DPP6: variants seen among roughly 807,000 people sequenced by gnomAD.
DPP6 encodes the protein A-type potassium channel modulatory protein DPP6.
DPP6 carries 69 observed loss-of-function variants against 122.6 expected under a neutral mutation model. That is an observed-to-expected ratio of 0.56 (90% CI 0.46 to 0.69). DPP6 has a LOEUF of 0.69. DPP6 is among the 30% of genes least tolerant of loss of function. The pLI is 0.00. For synonymous variants in DPP6, 418 were observed against 433.1 expected, an observed-to-expected ratio of 0.97 and a Z score of 0.43; for missense variants, 928 against 1,116.9, an observed-to-expected ratio of 0.83 and a Z score of 2.41.
chr7:154,120,934 C>T (rs1219709198), intron 1 of DPP6, among the ~76,000 whole-genome samples: 1 of 152,124 alleles, frequency 6.6e-6, no homozygotes, highest in Non-Finnish European at 1.5e-5. Flanking sequence ...TAATAATCCC[C>T]ACAGGTCAAG....
chr7:154,407,790 A>G (rs1468731728), intron 1 of DPP6, among the ~76,000 whole-genome samples: 3 of 152,166 alleles, frequency 2.0e-5, no homozygotes, highest in East Asian at 1.9e-4. Context: ...ACTTCCTAAT[A>G]TACCGTGTCC....
chr7:153,773,331 T>TA, the DPP6 span, among the ~76,000 whole-genome samples: 482 of 58,398 alleles, frequency 8.3e-3, 5 homozygotes, highest in South Asian at 0.027. Flanking sequence ...TATATATATA[T>TA]TTTTTTTTAA....
chr7:154,305,044 C>T (rs1806185005), intron 1 of DPP6: 1 of 78,582 alleles, frequency 1.3e-5, no homozygotes, highest in Non-Finnish European at 2.7e-5. Flanking sequence ...CAGCCCCAGC[C>T]CCAGCCCCAG....
intron 1 of DPP6, among the ~76,000 whole-genome samples, chr7:154,189,926 A>T (rs1339439545): frequency 6.6e-6 from 1 of 152,212 alleles, no homozygotes; most frequent in Non-Finnish European, 1.5e-5. Context: ...GGCCAGTAAC[A>T]CCACCCATGG....
chr7:154,090,983 T>C (rs1215366208), intron 1 of DPP6, among the ~76,000 whole-genome samples: 1 of 150,500 alleles, frequency 6.6e-6, no homozygotes, highest in Non-Finnish European at 1.5e-5. Context: ...TAGCCAGGCG[T>C]GGTGGCGGGT....
intron 1 of DPP6, among the ~76,000 whole-genome samples, chr7:154,225,345 C>A (rs936851838): frequency 6.6e-6 from 1 of 152,026 alleles, no homozygotes; most frequent in African/African-American, 2.4e-5. Context: ...CATTATACAG[C>A]CTATATATTT....
At chr7:154,657,863 A>G (rs944446482) in intron 6 of DPP6, among the ~76,000 whole-genome samples, 1 of 152,214 alleles carries the variant, frequency 6.6e-6, no homozygotes, top group East Asian at 1.9e-4. Context: ...CTGAGGCAGC[A>G]TAAAAGTCTC....
Position 154,297,862 on chromosome 7 carries a change from G to A in DPP6, c.244-148352G>A, listed in dbSNP as rs142446923. On this transcript the variant is annotated intron_variant, in intron 1 of 25. Transcript: ENST00000377770. Reference sequence around the variant, plus strand: ...AGGAGAGGGAGAGTAAATGAAGAGCGTGCACGCTGACAGATGCTGCGACGA... The same window carrying A: ...AGGAGAGGGAGAGTAAATGAAGAGCATGCACGCTGACAGATGCTGCGACGA... Among the ~76,000 whole-genome samples, 592 of 152,300 alleles carry A rather than the reference G, an allele frequency of 3.9e-3. 2 individuals carry two copies. In the Middle Eastern group the frequency reaches 0.041, roughly 11 times the overall value.
intron 2 of DPP6, among the ~76,000 whole-genome samples, chr7:154,471,828 A>G (rs999050731): frequency 4.6e-5 from 7 of 152,192 alleles, no homozygotes; most frequent in African/African-American, 1.4e-4. Context: ...TATGCTAAAG[A>G]AGCATGAAAC....
chr7:153,998,985 G>C (rs1442269875), intron 1 of DPP6, among the ~76,000 whole-genome samples: 2 of 152,238 alleles, frequency 1.3e-5, no homozygotes, highest in Non-Finnish European at 2.9e-5. Context: ...AAGAGCTTCT[G>C]TGAGACTCTC....
At chr7:153,970,504 C>T (rs1219338510) in intron 1 of DPP6, among the ~76,000 whole-genome samples, 4 of 152,122 alleles carry the variant, frequency 2.6e-5, no homozygotes, top group Non-Finnish European at 4.4e-5. Flanking sequence ...TTCACCAAGT[C>T]TAATTTATCA....
In DPP6 at chr7:154,765,742, C is replaced by A. The variant is rs186698395; in HGVS notation, c.884-3675C>A. On this transcript the variant is annotated intron_variant, in intron 8 of 25. Transcript: ENST00000377770. ...TTTCTTTTCTGATGCTAAAATAGCC[C>A]CCCAGCAGGACAGGGAAGGTGAAGA... Among the ~76,000 whole-genome samples, 25 of 152,258 alleles carry A rather than the reference C, an allele frequency of 1.6e-4. No individual in the cohort carries two copies. In the East Asian group the frequency reaches 4.6e-3, roughly 28 times the overall value.
chr7:154,888,295 G>T (rs1389374632), intron 23 of DPP6, among the ~76,000 whole-genome samples: 1 of 152,042 alleles, frequency 6.6e-6, no homozygotes, highest in Admixed American at 6.5e-5. Context: ...CACCGTGTTG[G>T]TCAGGCTGGT....
chr7:154,801,981 G>A (rs540160461), intron 13 of DPP6, among the ~76,000 whole-genome samples: 1 of 152,016 alleles, frequency 6.6e-6, no homozygotes, highest in African/African-American at 2.4e-5. Flanking sequence ...CCCTGAGTAG[G>A]GAATCTCAGA....
chr7:154,375,253 C>A (rs982661135), intron 1 of DPP6, among the ~76,000 whole-genome samples: 6 of 151,866 alleles, frequency 4.0e-5, no homozygotes, highest in African/African-American at 1.5e-4. Context: ...GAGGGAAGAG[C>A]AAATTCTAGA....
At chr7:154,196,717 C>A (rs114874483) in intron 1 of DPP6, among the ~76,000 whole-genome samples, 1 of 152,130 alleles carries the variant, frequency 6.6e-6, no homozygotes, top group Non-Finnish European at 1.5e-5. Flanking sequence ...CTGAAAACAT[C>A]GATGTCATCA....
At chr7:153,970,382 A>G (rs1450942494) in intron 1 of DPP6, among the ~76,000 whole-genome samples, 1 of 152,170 alleles carries the variant, frequency 6.6e-6, no homozygotes, top group Non-Finnish European at 1.5e-5. Context: ...TAAGATCTCT[A>G]AATATATACT....
intron 1 of DPP6, among the ~76,000 whole-genome samples, chr7:154,063,291 C>A (rs1802326128): frequency 7.8e-6 from 1 of 127,778 alleles, no homozygotes. Context: ...GGGGGAGGGA[C>A]CCCCCATGAG....
intron 1 of DPP6, among the ~76,000 whole-genome samples, chr7:154,371,685 T>C (rs1346409523): frequency 1.3e-5 from 2 of 152,086 alleles, no homozygotes; most frequent in African/African-American, 4.8e-5. Context: ...CAGACACCTC[T>C]GAGTCCAGGC....
Sources: gnomAD v4.1 joint callset for allele counts (sites outside exome capture counted in the v4.1 genomes callset) on GRCh38, gnomAD v4.1.1 for gene constraint, MANE v1.5 for transcripts, NCBI Gene and HGNC (gene_info 2026-07-23, HGNC 2026-07-21) for gene names.